Variants in TLK2 observed in about 807,000 individuals in gnomAD.
TLK2 encodes tousled like kinase 2.
A neutral mutation model predicts 117.3 loss-of-function variants in TLK2; 6 were observed. That is an observed-to-expected ratio of 0.05 (90% CI 0.03 to 0.10). TLK2 has a LOEUF of 0.10. Ranked by LOEUF, TLK2 falls within the 10% of genes least tolerant of loss-of-function variation. The pLI is 1.00. For synonymous variants in TLK2, 257 were observed against 316.7 expected, an observed-to-expected ratio of 0.81 and a Z score of 2.00; for missense variants, 299 against 901.2, an observed-to-expected ratio of 0.33 and a Z score of 8.56.
At chr17:62,478,355 G>A (rs2071166055), upstream of TLK2, among the ~76,000 whole-genome samples, 1 of 151,394 alleles carries the variant, frequency 6.6e-6, no homozygotes, top group Non-Finnish European at 1.5e-5. Context: ...GGGGGCCGGC[G>A]AGGCGGATCC....
chr17:62,492,614 C>T (rs1213699098), intron 2 of TLK2, among the ~76,000 whole-genome samples: 9 of 152,046 alleles, frequency 5.9e-5, no homozygotes, highest in South Asian at 4.1e-4. Flanking sequence ...CCTGCCACCT[C>T]GCCGGGCTAA....
chr17:62,566,302 C>G (rs573681986), intron 11 of TLK2, among the ~76,000 whole-genome samples: 2 of 151,892 alleles, frequency 1.3e-5, no homozygotes, highest in East Asian at 3.9e-4. Flanking sequence ...CATGTGACTA[C>G]TTTTGAGTAA....
At chr17:62,574,349 T>G in intron 12 of TLK2, 1 of 1,547,098 alleles carries the variant, frequency 6.5e-7, no homozygotes, top group Non-Finnish European at 8.7e-7. Flanking sequence ...TGCTAGGCCC[T>G]CTTCTGGGAA....
intron 6 of TLK2, among the ~76,000 whole-genome samples, chr17:62,534,025 T>G (rs1004659025): frequency 2.6e-5 from 4 of 152,208 alleles, no homozygotes; most frequent in African/African-American, 9.6e-5. Flanking sequence ...AATTCTGTAT[T>G]CTGTGCCACT....
chr17:62,606,597 C>T (rs1000902685), intron 20 of TLK2, among the ~76,000 whole-genome samples: 2 of 152,158 alleles, frequency 1.3e-5, no homozygotes, highest in African/African-American at 4.8e-5. Flanking sequence ...GCCCCAAGAA[C>T]CAAAACTCAA....
In TLK2 at chr17:62,522,056, C is replaced by T; in HGVS notation, c.154-148C>T. On this transcript the variant is annotated intron_variant, in intron 3 of 21. Coordinates refer to ENST00000346027, the MANE Select transcript of TLK2 (RefSeq NM_006852.6). Reference sequence around the variant, plus strand: ...CTAGACCCTAATACTCTTTGTTATACTCAGTTTTAAGAGGAAGACAGTGAT... The same window carrying T: ...CTAGACCCTAATACTCTTTGTTATATTCAGTTTTAAGAGGAAGACAGTGAT... 4.8e-6 allele frequency: 4 copies of T among 831,024 alleles called. No individual in the cohort carries two copies. The South Asian group carries it at 7.8e-5, about 16-fold the overall frequency. 51.5% of individuals were successfully genotyped at this position (831,024 alleles called of 1,614,324 possible).
At chr17:62,521,456 G>A (rs2076044576) in intron 3 of TLK2, among the ~76,000 whole-genome samples, 1 of 152,176 alleles carries the variant, frequency 6.6e-6, no homozygotes, top group African/African-American at 2.4e-5. Context: ...GCAGGTCAGA[G>A]TGCAGTGGTG....
At chr17:62,605,425 T>C (rs1034764173) in intron 19 of TLK2, among the ~76,000 whole-genome samples, 1 of 152,098 alleles carries the variant, frequency 6.6e-6, no homozygotes, top group Non-Finnish European at 1.5e-5. Flanking sequence ...CTTGCTGGAG[T>C]GCAGTGGCAT....
At chr17:62,472,588 A>C (rs939516074) in intron 1 of TLK2, among the ~76,000 whole-genome samples, 1 of 152,116 alleles carries the variant, frequency 6.6e-6, no homozygotes, top group African/African-American at 2.4e-5. Flanking sequence ...AATAAAAAAA[A>C]TTAGCTGGGC....
At chr17:62,565,997 G>A (rs1317286568) in intron 11 of TLK2, among the ~76,000 whole-genome samples, 1 of 152,208 alleles carries the variant, frequency 6.6e-6, no homozygotes, top group Admixed American at 6.5e-5. Flanking sequence ...GTGCCTGTGT[G>A]CAGCTTGGAA....
chr17:62,519,162 G>A (rs2075852576), intron 2 of TLK2, among the ~76,000 whole-genome samples: 1 of 152,212 alleles, frequency 6.6e-6, no homozygotes, highest in South Asian at 2.1e-4. Context: ...TGGGATTATA[G>A]GAGTGAGCCA....
At chr17:62,516,930 C>T (rs1269177631) in intron 2 of TLK2, among the ~76,000 whole-genome samples, 3 of 152,080 alleles carry the variant, frequency 2.0e-5, no homozygotes, top group African/African-American at 2.4e-5. Flanking sequence ...TTTTTGAGAC[C>T]GTCTCACTCT....
chr17:62,476,339 T>G (rs1433954372), upstream of TLK2, among the ~76,000 whole-genome samples: 2 of 151,866 alleles, frequency 1.3e-5, no homozygotes, highest in Admixed American at 1.3e-4. Flanking sequence ...ATCACAGCAC[T>G]TTGGGAGGCC....
chr17:62,516,497 G>C, intron 2 of TLK2: 1 of 1,606,810 alleles, frequency 6.2e-7, no homozygotes, highest in African/African-American at 1.3e-5. Context: ...AGGGTGGCAG[G>C]CACAATCTCC....
chr17:62,604,091 G>A (rs1204666956), intron 19 of TLK2, among the ~76,000 whole-genome samples: 8 of 151,592 alleles, frequency 5.3e-5, no homozygotes, highest in African/African-American at 1.9e-4. Context: ...TGCAGCCTCC[G>A]CCTCCCGAGT....
intron 2 of TLK2, among the ~76,000 whole-genome samples, chr17:62,486,214 T>G (rs1297685057): frequency 6.6e-6 from 1 of 152,002 alleles, no homozygotes; most frequent in Non-Finnish European, 1.5e-5. Flanking sequence ...TAGAGTGCAG[T>G]GGCGCGATCT....
Position 62,536,330 on chromosome 17 carries a change from T to C in TLK2, c.524T>C (p.Phe175Ser), listed in dbSNP as rs2077109966. The change falls in exon 7 of 22, where the codon TTT becomes TCT. Residue 175 changes from phenylalanine to serine, a missense_variant. Around this residue, in one of 4 missense-constraint regions of TLK2, gnomAD observed 105 missense variants for 218.4 expected, o/e 0.48. Coordinates refer to ENST00000346027, the MANE Select transcript of TLK2 (RefSeq NM_006852.6). ...AQRGAGLCFT[F>S]VSAQQNSPSS... ...AGGGGAGCTGGCCTCTGCTTCACTTTTGTTTCAGTGAGTACAAAGCCTAAG... is the reference window on the plus strand; with the variant it reads ...AGGGGAGCTGGCCTCTGCTTCACTTCTGTTTCAGTGAGTACAAAGCCTAAG... The C allele has an allele frequency of 6.2e-7, 1 of 1,612,080 alleles. No individual in the cohort carries two copies. Among genetic ancestry groups the C allele is most frequent in the Non-Finnish European group, 8.5e-7 (1 of 1,179,068 alleles).
At chr17:62,494,332 C>T (rs934828204) in intron 2 of TLK2, among the ~76,000 whole-genome samples, 5 of 152,174 alleles carry the variant, frequency 3.3e-5, no homozygotes, top group Non-Finnish European at 4.4e-5. Context: ...ATCCACCCGC[C>T]TTGGCCTCCG....
At chr17:62,478,623 T>C (rs1202714340), upstream of TLK2, among the ~76,000 whole-genome samples, 2 of 150,754 alleles carry the variant, frequency 1.3e-5, no homozygotes, top group South Asian at 2.1e-4. Flanking sequence ...GGTCCCCTGG[T>C]TAACCCCTGC....
Sources: gnomAD v4.1 joint callset for allele counts (sites outside exome capture counted in the v4.1 genomes callset) on GRCh38, gnomAD v4.1.1 for gene constraint, gnomAD v4.1.1 regional missense constraint, MANE v1.5 for transcripts, NCBI Gene and HGNC (gene_info 2026-07-23, HGNC 2026-07-21) for gene names.